STK3: variants seen among roughly 807,000 people sequenced by gnomAD.
STK3 encodes the protein serine/threonine kinase 3, also known as serine/threonine-protein kinase 3.
In STK3, 41 loss-of-function variants were observed where a neutral mutation model predicts 58.0. The observed-to-expected ratio is 0.71, with a 90% CI of 0.55 to 0.92. The LOEUF is 0.92. Among genes scored for constraint, STK3 ranks in the 40% least tolerant of loss-of-function variants. STK3 has a pLI of 0.00. For missense variants in STK3, 479 were observed against 602.7 expected, an observed-to-expected ratio of 0.79 and a Z score of 2.15; for synonymous variants, 170 against 191.0, an observed-to-expected ratio of 0.89 and a Z score of 0.91.
intron 9 of STK3, among the ~76,000 whole-genome samples, chr8:98,538,809 C>T (rs763350734): frequency 4.6e-5 from 7 of 152,202 alleles, no homozygotes; most frequent in African/African-American, 1.2e-4. Flanking sequence ...GGTTATACTT[C>T]GTTAAACGTC....
chr8:98,932,655 G>A (rs892933673), intron 1 of STK3, among the ~76,000 whole-genome samples: 6 of 152,158 alleles, frequency 3.9e-5, no homozygotes, highest in African/African-American at 1.4e-4. Context: ...TATCACCAAG[G>A]GAACTATCTT....
At chr8:98,610,682 C>G (rs529901425) in intron 6 of STK3, among the ~76,000 whole-genome samples, 18 of 152,234 alleles carry the variant, frequency 1.2e-4, no homozygotes, top group Admixed American at 9.8e-4. Flanking sequence ...AATGGGGAAT[C>G]CTGGGATCCT....
intron 10 of STK3, among the ~76,000 whole-genome samples, chr8:98,517,661 A>G (rs1027407137): frequency 1.3e-5 from 2 of 152,148 alleles, no homozygotes; most frequent in Admixed American, 1.3e-4. Context: ...AAACTATTCC[A>G]TCATCAAAAC....
intron 10 of STK3, among the ~76,000 whole-genome samples, chr8:98,477,702 C>CGG (rs1286720911): frequency 0.061 from 139 of 2,270 alleles, 15 homozygotes; most frequent in East Asian, 0.12. Flanking sequence ...TCACACTTGG[C>CGG]GGGGGGGGGG....
intron 9 of STK3, 46 bp downstream of exon 9, chr8:98,547,923 C>A (rs369956070): frequency 1.9e-5 from 28 of 1,453,956 alleles, no homozygotes. Context: ...ATAAAAGTAT[C>A]CTTTCGAATT....
At chr8:98,393,013 T>C (rs536848562), upstream of STK3, among the ~76,000 whole-genome samples, 3 of 152,260 alleles carry the variant, frequency 2.0e-5, no homozygotes, top group South Asian at 4.1e-4. Flanking sequence ...GAGACAAAGA[T>C]TGCAGCCATT....
chr8:98,803,610 A>AG (rs1455714929), intron 1 of STK3, among the ~76,000 whole-genome samples: 1 of 117,860 alleles, frequency 8.5e-6, no homozygotes, highest in African/African-American at 3.6e-5. Flanking sequence ...AAAAAAAAAG[A>AG]AAAAAAAAGA....
chr8:98,802,831 A>G (rs1833644011), intron 1 of STK3, among the ~76,000 whole-genome samples: 1 of 152,246 alleles, frequency 6.6e-6, no homozygotes, highest in African/African-American at 2.4e-5. Context: ...TCTAAGAGAA[A>G]AAAAGGCAGG....
At chr8:98,643,667 C>T (rs1365290134) in intron 6 of STK3, among the ~76,000 whole-genome samples, 1 of 152,202 alleles carries the variant, frequency 6.6e-6, no homozygotes, top group East Asian at 1.9e-4. Flanking sequence ...GCTATATATC[C>T]TGCCCATAGA....
At chr8:98,372,652 C>A (rs1254288969) in intron 2 of STK3, among the ~76,000 whole-genome samples, 1 of 152,020 alleles carries the variant, frequency 6.6e-6, no homozygotes, top group African/African-American at 2.4e-5. Context: ...ACTATTTATC[C>A]ACTTCCACAT....
At chr8:98,730,548 C>G (rs1828098291) in intron 4 of STK3, among the ~76,000 whole-genome samples, 1 of 151,956 alleles carries the variant, frequency 6.6e-6, no homozygotes, top group Non-Finnish European at 1.5e-5. Flanking sequence ...GAAACCCCAT[C>G]TCTACTAAAA....
intron 6 of STK3, among the ~76,000 whole-genome samples, chr8:98,696,143 A>G (rs1270156679): frequency 6.6e-6 from 1 of 152,016 alleles, no homozygotes; most frequent in Non-Finnish European, 1.5e-5. Context: ...ATGGGAGTTC[A>G]CTCATGATTT....
chr8:98,923,612 G>A (rs191186780), intron 1 of STK3, among the ~76,000 whole-genome samples: 22 of 152,192 alleles, frequency 1.4e-4, no homozygotes, highest in African/African-American at 4.8e-4. Context: ...ACAGAACGAC[G>A]GAGTCTCCCT....
At chr8:98,631,594 T>A (rs1192292143) in intron 6 of STK3, among the ~76,000 whole-genome samples, 1 of 152,176 alleles carries the variant, frequency 6.6e-6, no homozygotes, top group African/African-American at 2.4e-5. Context: ...TATCTGTCAT[T>A]CTGTATCCCT....
intron 6 of STK3, among the ~76,000 whole-genome samples, chr8:98,630,672 G>T (rs1819125842): frequency 6.6e-6 from 1 of 150,522 alleles, no homozygotes. Context: ...AGGAGAAGGA[G>T]GAGAAGGAGG....
intron 6 of STK3, among the ~76,000 whole-genome samples, chr8:98,636,846 C>T (rs1819658958): frequency 6.6e-6 from 1 of 152,070 alleles, no homozygotes; most frequent in Admixed American, 6.6e-5. Context: ...AGCTATTACG[C>T]ATCTGACACA....
intron 6 of STK3, among the ~76,000 whole-genome samples, chr8:98,615,120 G>C (rs574023267): frequency 5.9e-5 from 9 of 151,818 alleles, no homozygotes; most frequent in Admixed American, 3.3e-4. Flanking sequence ...ATCTGAGAAC[G>C]GGCAGACTAC....
chr8:98,810,804 A>C (rs886434414), intron 1 of STK3, among the ~76,000 whole-genome samples: 1 of 151,976 alleles, frequency 6.6e-6, no homozygotes, highest in African/African-American at 2.4e-5. Flanking sequence ...GTCATGGGGG[A>C]GGATCCTTCA....
At chr8:98,701,325 A>C (rs1825595424) in intron 6 of STK3, among the ~76,000 whole-genome samples, 1 of 152,208 alleles carries the variant, frequency 6.6e-6, no homozygotes. Context: ...ATATATATAC[A>C]TACTTCCTAA....
Sources: allele counts gnomAD v4.1 joint callset (sites outside exome capture counted in the v4.1 genomes callset), GRCh38; gene constraint gnomAD v4.1.1; transcripts MANE v1.5; gene names NCBI Gene and HGNC (gene_info 2026-07-23, HGNC 2026-07-21).